Variants in PHLDB2 observed in about 807,000 individuals in gnomAD.
PHLDB2 encodes pleckstrin homology-like domain family B member 2.
Under a neutral mutation model 123.6 loss-of-function variants are expected in PHLDB2, and 71 were observed. The ratio of observed to expected loss-of-function variants is 0.57; its 90% CI spans 0.47 to 0.70. The LOEUF is 0.70. Among genes scored for constraint, PHLDB2 ranks in the 30% least tolerant of loss-of-function variants. PHLDB2 has a pLI of 0.00. For missense variants in PHLDB2, 1,446 were observed against 1,519.5 expected (o/e 0.95, Z 0.80); for synonymous variants, 547 against 541.6 (o/e 1.01, Z -0.14).
upstream of PHLDB2, among the ~76,000 whole-genome samples, chr3:111,856,324 C>A (rs1354979905): frequency 5.9e-5 from 9 of 152,138 alleles, no homozygotes; most frequent in Non-Finnish European, 1.3e-4. Context: ...TAGAAGGTAG[C>A]ATTAAAGACA....
intron 6 of PHLDB2, among the ~76,000 whole-genome samples, chr3:111,936,594 A>T (rs1481383906): frequency 3.3e-5 from 5 of 152,170 alleles, no homozygotes; most frequent in African/African-American, 1.2e-4. Flanking sequence ...TTTCTTACTT[A>T]GTATGCCATT....
intron 1 of PHLDB2, among the ~76,000 whole-genome samples, chr3:111,789,950 T>G (rs2060845631): frequency 6.6e-6 from 1 of 152,166 alleles, no homozygotes; most frequent in Admixed American, 6.5e-5. Context: ...CATGGCAGAT[T>G]CTATCCAACC....
Position 111,940,628 on chromosome 3 carries a change from A to G in PHLDB2, c.2380A>G (p.Ile794Val), listed in dbSNP as rs757058180. The G allele has an allele frequency of 6.3e-6, 10 of 1,592,340 alleles. No homozygotes were observed. The Admixed American group carries it at 1.5e-4, about 24-fold the overall frequency. ...TTTTGTGAAAGAAAAGAATAATTTAATAATGATGTTGCAAAGAGTAAGTAT... is the reference window on the plus strand; with the variant it reads ...TTTTGTGAAAGAAAAGAATAATTTAGTAATGATGTTGCAAAGAGTAAGTAT... ...DHFVKEKNNL[I>V]MMLQREKENL... The change falls in exon 8 of 18, where the codon ATA becomes GTA. Residue 794 changes from isoleucine to valine, a missense_variant. Ile to Val is a conservative substitution (Grantham distance 29). Around this residue, in one of 3 missense-constraint regions of PHLDB2, gnomAD observed 594 missense variants for 646.0 expected, o/e 0.92. Coordinates refer to ENST00000431670, the MANE Select transcript of PHLDB2 (RefSeq NM_001134438.2).
intron 1 of PHLDB2, among the ~76,000 whole-genome samples, chr3:111,879,942 G>C (rs1000597580): frequency 6.9e-6 from 1 of 145,516 alleles, no homozygotes; most frequent in African/African-American, 2.5e-5. Flanking sequence ...ATTAGCTGTT[G>C]AATTTCCTCA....
At chr3:111,955,104 A>G (rs34758094) in intron 12 of PHLDB2, among the ~76,000 whole-genome samples, 18,388 of 147,026 alleles carry the variant, frequency 0.13, 1,490 homozygotes, top group Non-Finnish European at 0.18. Context: ...ACATAAATTT[A>G]TATATATGTG....
intron 2 of PHLDB2, among the ~76,000 whole-genome samples, chr3:111,902,290 T>C (rs1004502473): frequency 1.3e-5 from 2 of 151,910 alleles, no homozygotes; most frequent in African/African-American, 4.9e-5. Context: ...ATGTGTTTAA[T>C]GTAAATGAAA....
intron 1 of PHLDB2, among the ~76,000 whole-genome samples, chr3:111,743,135 G>C (rs866192130): frequency 1.3e-5 from 2 of 152,166 alleles, no homozygotes; most frequent in Non-Finnish European, 2.9e-5. Flanking sequence ...AGGCTATGAA[G>C]AAAAAGCTAC....
intron 1 of PHLDB2, among the ~76,000 whole-genome samples, chr3:111,733,284 C>T (rs986500060): frequency 3.9e-5 from 6 of 152,142 alleles, no homozygotes; most frequent in Admixed American, 1.3e-4. Flanking sequence ...CTTATCACAT[C>T]GGCAGCCAGG....
chr3:111,933,696 T>G (rs1006827381), intron 6 of PHLDB2, among the ~76,000 whole-genome samples: 3 of 152,224 alleles, frequency 2.0e-5, no homozygotes, highest in Admixed American at 2.0e-4. Flanking sequence ...TAAAAATGAT[T>G]GGAAGAAAAC....
chr3:111,948,279 GTGTT>G lies in PHLDB2; in HGVS notation c.2488-649_2488-646del, dbSNP rs2070453922. On this transcript the variant is annotated intron_variant, in intron 9 of 17. Coordinates refer to ENST00000431670, the MANE Select transcript of PHLDB2 (RefSeq NM_001134438.2). ...TGTGTGTGTGTGCATGTGTGTCTGT[GTGTT>G]TGTGCATGCACACATTTGTTTTGTT... is the stretch of plus-strand genomic sequence containing the variant. Among the ~76,000 whole-genome samples, 5 of 152,192 alleles carry G rather than the reference GTGTT, an allele frequency of 3.3e-5. No individual in the cohort carries two copies. The South Asian group carries it at 1.0e-3, about 32-fold the overall frequency.
intron 1 of PHLDB2, among the ~76,000 whole-genome samples, chr3:111,776,748 C>G (rs760087446): frequency 6.6e-6 from 1 of 152,080 alleles, no homozygotes; most frequent in Non-Finnish European, 1.5e-5. Flanking sequence ...TCAGGTAATT[C>G]AATAACGTGT....
chr3:111,925,084 C>A (rs2068742667), intron 5 of PHLDB2, among the ~76,000 whole-genome samples: 1 of 152,136 alleles, frequency 6.6e-6, no homozygotes, highest in Admixed American at 6.5e-5. Context: ...CTGCCTTGGC[C>A]TCCCAAAGTG....
At chr3:111,750,835 A>G (rs2059757581) in intron 1 of PHLDB2, among the ~76,000 whole-genome samples, 1 of 151,544 alleles carries the variant, frequency 6.6e-6, no homozygotes, top group African/African-American at 2.4e-5. Flanking sequence ...AATCCCAGCT[A>G]CTCAGGAGGC....
Position 111,859,482 on chromosome 3 carries a change from C to G in PHLDB2, c.-109C>G. On this transcript the variant is annotated 5_prime_UTR_variant, in exon 1 of 18. Transcript: ENST00000431670. ...CCGCGCGGAGCCCACCATTGCGGCC[C>G]GAGGGGGACCCGACGGGGGCCCGAC... 1.0e-6 allele frequency: 1 copy of G among 985,578 alleles called. No individual in the cohort carries two copies. Among genetic ancestry groups the G allele is most frequent in the Non-Finnish European group, 1.2e-6 (1 of 830,044 alleles). The allele number at this position is 985,578 out of a possible 1,614,324, so 61.1% of individuals were successfully genotyped here. A position where few individuals can be genotyped will look rare whatever the true frequency, so the allele number is the denominator to read the frequency against.
intron 2 of PHLDB2, among the ~76,000 whole-genome samples, chr3:111,899,516 T>A (rs1321216312): frequency 6.6e-6 from 1 of 152,202 alleles, no homozygotes; most frequent in Admixed American, 6.5e-5. Context: ...CAGTAAACCA[T>A]GGTAGAAACA....
chr3:111,969,539 A>G, intron 15 of PHLDB2, 151 bp from the exon 16 acceptor site: 1 of 635,586 alleles, frequency 1.6e-6, no homozygotes, highest in Non-Finnish European at 2.7e-6. Flanking sequence ...TTAGACTCCA[A>G]ATCATAAGTG....
intron 8 of PHLDB2, among the ~76,000 whole-genome samples, chr3:111,944,884 A>G (rs1300273621): frequency 1.3e-5 from 2 of 152,150 alleles, no homozygotes; most frequent in Non-Finnish European, 2.9e-5. Context: ...CATGTTAGCC[A>G]GGATGGTCTC....
intron 12 of PHLDB2, 39 bp downstream of exon 12, chr3:111,954,068 A>G: frequency 1.9e-6 from 3 of 1,567,160 alleles, no homozygotes; most frequent in Non-Finnish European, 2.6e-6. Flanking sequence ...GCCTTTTGTT[A>G]AGCATTAGAA....
intron 1 of PHLDB2, among the ~76,000 whole-genome samples, chr3:111,759,552 C>T (rs914784842): frequency 1.3e-5 from 2 of 151,992 alleles, no homozygotes; most frequent in African/African-American, 4.8e-5. Flanking sequence ...ATGTATATCC[C>T]GTGTGTGTGT....
Sources: allele counts gnomAD v4.1 joint callset (sites outside exome capture counted in the v4.1 genomes callset), GRCh38; gene constraint gnomAD v4.1.1; regional missense constraint gnomAD v4.1.1; transcripts MANE v1.5; gene names NCBI Gene and HGNC (gene_info 2026-07-23, HGNC 2026-07-21).